CPNE8: variants seen among roughly 807,000 people sequenced by gnomAD.
The protein encoded by CPNE8 is copine-8.
In CPNE8, 45 loss-of-function variants were observed where a neutral mutation model predicts 81.5. The ratio of observed to expected loss-of-function variants is 0.55; its 90% CI spans 0.44 to 0.71. The LOEUF is 0.71. Among genes scored for constraint, CPNE8 ranks in the 30% least tolerant of loss-of-function variants. CPNE8 has a pLI of 0.00. For synonymous variants in CPNE8, 252 were observed against 226.3 expected (o/e 1.11, Z -1.02); for missense variants, 594 against 672.1 (o/e 0.88, Z 1.28).
At chr12:38,797,041 G>A (rs539274978) in intron 6 of CPNE8, among the ~76,000 whole-genome samples, 16 of 152,270 alleles carry the variant, frequency 1.1e-4, no homozygotes, top group South Asian at 2.1e-4. Flanking sequence ...CAAAGCAGCC[G>A]GGAAGCTCGA....
intron 10 of CPNE8, among the ~76,000 whole-genome samples, chr12:38,733,021 A>C (rs1940869012): frequency 6.6e-6 from 1 of 151,990 alleles, no homozygotes; most frequent in African/African-American, 2.4e-5. Flanking sequence ...TATTGCATCC[A>C]TTCAGCATCT....
At chr12:38,717,389 A>T (rs1236756328) in intron 13 of CPNE8, among the ~76,000 whole-genome samples, 1 of 142,716 alleles carries the variant, frequency 7.0e-6, no homozygotes, top group Non-Finnish European at 1.5e-5. Flanking sequence ...TAACCAACCT[A>T]TGTGCCCATC....
At chr12:38,821,580 C>T (rs954994135) in intron 6 of CPNE8, among the ~76,000 whole-genome samples, 7 of 152,174 alleles carry the variant, frequency 4.6e-5, no homozygotes, top group Non-Finnish European at 8.8e-5. Context: ...CATTCTGAGG[C>T]TTGTCTCTGA....
chr12:38,893,447 G>A (rs1385551673), intron 1 of CPNE8, among the ~76,000 whole-genome samples: 3 of 130,696 alleles, frequency 2.3e-5, no homozygotes, highest in African/African-American at 8.5e-5. Flanking sequence ...CAAATTCCAT[G>A]GCAACATGAG....
intron 6 of CPNE8, among the ~76,000 whole-genome samples, chr12:38,776,963 G>T (rs901507205): frequency 6.7e-6 from 1 of 150,374 alleles, no homozygotes; most frequent in African/African-American, 2.5e-5. Flanking sequence ...ATATGTTACT[G>T]TTTATGTATT....
At chr12:38,660,023 A>G (rs1938916556) in intron 19 of CPNE8, among the ~76,000 whole-genome samples, 1 of 152,254 alleles carries the variant, frequency 6.6e-6, no homozygotes, top group Admixed American at 6.5e-5. Flanking sequence ...CAATATCATG[A>G]AAATGGCCAT....
chr12:38,867,353 A>T (rs974098722), intron 3 of CPNE8, among the ~76,000 whole-genome samples: 1 of 151,540 alleles, frequency 6.6e-6, no homozygotes, highest in Non-Finnish European at 1.5e-5. Flanking sequence ...AGAGAGAGAG[A>T]GAGAGAGAGA....
At chr12:38,714,631 C>CAA (rs201397855) in intron 13 of CPNE8, among the ~76,000 whole-genome samples, 1 of 138,610 alleles carries the variant, frequency 7.2e-6, no homozygotes, top group East Asian at 2.0e-4. Flanking sequence ...CACTGCTTAT[C>CAA]AAAAAAAAAA....
intron 10 of CPNE8, among the ~76,000 whole-genome samples, chr12:38,744,245 G>A (rs1365087587): frequency 4.6e-5 from 7 of 152,114 alleles, no homozygotes; most frequent in Admixed American, 4.6e-4. Flanking sequence ...GATTGAGGTT[G>A]GTGTAATCTG....
intron 3 of CPNE8, among the ~76,000 whole-genome samples, chr12:38,849,271 A>G (rs1943604943): frequency 6.6e-6 from 1 of 152,206 alleles, no homozygotes; most frequent in African/African-American, 2.4e-5. Flanking sequence ...TTTAGCTTAG[A>G]AAAGTGGAAA....
intron 4 of CPNE8, 131 bp downstream of exon 4, chr12:38,848,428 T>G: frequency 7.3e-7 from 1 of 1,370,184 alleles, no homozygotes. Context: ...TGGGCCACAC[T>G]CTGAACAGAA....
chr12:38,762,326 T>C, intron 8 of CPNE8, 110 bp from the exon 9 acceptor site: 1 of 474,418 alleles, frequency 2.1e-6, no homozygotes, highest in South Asian at 5.3e-5. Context: ...TCAGTTCCGC[T>C]GTTGCTGCTA....
chr12:38,805,677 TAA>T lies in CPNE8; in HGVS notation c.407+23700_407+23701del, dbSNP rs71068581. Among the ~76,000 whole-genome samples the T allele has an allele frequency of 7.7e-3, 807 of 104,808 alleles. 15 individuals carry two copies. The highest frequency in any genetic ancestry group is 0.015 in the African/African-American group (432 of 28,070). The allele number at this position is 104,808 out of a possible 152,430, so 68.8% of individuals were successfully genotyped here. On this transcript the variant is annotated intron_variant, in intron 6 of 19. Coordinates refer to ENST00000331366, the MANE Select transcript of CPNE8 (RefSeq NM_153634.3). Reference sequence around the variant, plus strand: ...AGAGTATAATAAAAAAAAAAAACATTAAAAAAAAAAAAAAGAACTAGAAAAGC... The same window carrying T: ...AGAGTATAATAAAAAAAAAAAACATTAAAAAAAAAAAAGAACTAGAAAAGC...
chr12:38,847,042 T>C (rs1034869607), intron 4 of CPNE8, among the ~76,000 whole-genome samples: 1 of 152,036 alleles, frequency 6.6e-6, no homozygotes, highest in Admixed American at 6.6e-5. Context: ...CATATGTGTA[T>C]GCTTAAAGAA....
chr12:38,728,065 T>C (rs1940744410), intron 11 of CPNE8, among the ~76,000 whole-genome samples: 2 of 152,210 alleles, frequency 1.3e-5, no homozygotes, highest in Admixed American at 1.3e-4. Context: ...TGAAAATCAC[T>C]GAACAAAGAG....
At chr12:38,832,455 A>G (rs1162017401) in intron 5 of CPNE8, among the ~76,000 whole-genome samples, 4 of 152,208 alleles carry the variant, frequency 2.6e-5, no homozygotes, top group African/African-American at 9.6e-5. Flanking sequence ...AAGCACAGAC[A>G]TCTGCTGAGA....
chr12:38,811,998 TA>T (rs532818742), intron 6 of CPNE8, among the ~76,000 whole-genome samples: 3 of 152,276 alleles, frequency 2.0e-5, no homozygotes, highest in African/African-American at 7.2e-5. Flanking sequence ...AAGCACATAG[TA>T]ATGATGTCAT....
At chr12:38,698,942 A>C (rs1022808026) in intron 14 of CPNE8, among the ~76,000 whole-genome samples, 1 of 152,224 alleles carries the variant, frequency 6.6e-6, no homozygotes, top group Non-Finnish European at 1.5e-5. Flanking sequence ...TCAGACTTTG[A>C]TAAGGATTGC....
chr12:38,844,031 G>GA (rs755049048), intron 4 of CPNE8, among the ~76,000 whole-genome samples: 68 of 152,152 alleles, frequency 4.5e-4, no homozygotes, highest in Non-Finnish European at 7.6e-4. Context: ...TAACCAATGG[G>GA]AAAAACCACA....
Sources: gnomAD v4.1 joint callset for allele counts (sites outside exome capture counted in the v4.1 genomes callset) on GRCh38, gnomAD v4.1.1 for gene constraint, MANE v1.5 for transcripts, NCBI Gene and HGNC (gene_info 2026-07-23, HGNC 2026-07-21) for gene names.